Variants in PRAG1 observed in about 807,000 individuals in gnomAD.
PRAG1 encodes PEAK1 related, kinase-activating pseudokinase 1, also known as inactive tyrosine-protein kinase PRAG1.
Under a neutral mutation model 95.6 loss-of-function variants are expected in PRAG1, and 110 were observed. That is an observed-to-expected ratio of 1.15 (90% CI 0.99 to 1.35). The LOEUF is 1.35. Ranked by LOEUF, PRAG1 falls within the 40% of genes most tolerant of loss-of-function variation. The pLI is 0.00. For missense variants in PRAG1, 2,554 were observed against 1,864.7 expected (o/e 1.37, Z -6.81); for synonymous variants, 1,052 against 819.4 (o/e 1.28, Z -4.85).
intron 4 of PRAG1, among the ~76,000 whole-genome samples, chr8:8,335,047 C>A (rs1162360229): frequency 6.6e-6 from 1 of 151,192 alleles, no homozygotes; most frequent in African/African-American, 2.4e-5. Context: ...GCCTGGGCAA[C>A]AGAGCAAGAC....
chr8:8,328,747 T>C lies in PRAG1; in HGVS notation c.2321-286A>G, dbSNP rs115009352. Among the ~76,000 whole-genome samples, 598 of 151,834 alleles carry C rather than the reference T, an allele frequency of 3.9e-3. 7 individuals are homozygous for C. Among genetic ancestry groups the C allele is most frequent in the African/African-American group, 0.014 (578 of 41,348 alleles). ...AGTGTTTCATGCATCCCTCCAACAA[T>C]CCAAACAAATGCGTGCCTGCACGCG... is the stretch of plus-strand genomic sequence containing the variant. On this transcript the variant is annotated intron_variant, in intron 4 of 5. Transcript: ENST00000615670.
rs955914301 is a variant in PRAG1 at position 8,386,411 on chromosome 8, G to A, written c.-178C>T. On this transcript the variant is annotated 5_prime_UTR_variant, in exon 1 of 6. Coordinates refer to ENST00000615670, the MANE Select transcript of PRAG1 (RefSeq NM_001080826.3). ...TGTTCGCAGAAGGTCTGCGCGCGGTGCGTGCCCGGCCGCGGGCGGGTGGCT... is the reference window on the plus strand; with the variant it reads ...TGTTCGCAGAAGGTCTGCGCGCGGTACGTGCCCGGCCGCGGGCGGGTGGCT... 2.6e-5 allele frequency: 4 copies of A among 152,092 alleles called. No individual in the cohort carries two copies. The highest frequency in any genetic ancestry group is 6.5e-5 in the Admixed American group (1 of 15,268). 9.4% of individuals were successfully genotyped at this position (152,092 alleles called of 1,614,324 possible). A position where few individuals can be genotyped will look rare whatever the true frequency, so the allele number is the denominator to read the frequency against.
intron 4 of PRAG1, 39 bp from the exon 5 acceptor site, chr8:8,328,500 TG>T (rs1798721308): frequency 6.2e-7 from 1 of 1,600,908 alleles, no homozygotes; most frequent in Non-Finnish European, 8.5e-7. Context: ...CCAAGGCCAG[TG>T]CCACTCAATT....
At position 8,376,399 on chromosome 8, in the gene PRAG1, G is replaced by T; in HGVS notation, c.2010C>A (p.Thr670=). The T allele has an allele frequency of 1.2e-6, 2 of 1,614,248 alleles. No homozygotes were observed. The highest frequency in any genetic ancestry group is 1.7e-6 in the Non-Finnish European group (2 of 1,180,048). ...NGPTDHSNST[T]WHRLHPTDGS... ...CATCTGTGGGGTGGAGACGGTGCCAGGTCGTGGAGTTTGAATGGTCCGTGG... is the reference window on the plus strand; with the variant it reads ...CATCTGTGGGGTGGAGACGGTGCCATGTCGTGGAGTTTGAATGGTCCGTGG... Residue 670 remains threonine, a synonymous_variant, in exon 3 of 6, where the codon ACC becomes ACA. Transcript: ENST00000615670.
intron 3 of PRAG1, among the ~76,000 whole-genome samples, chr8:8,340,136 T>C (rs896988679): frequency 2.0e-5 from 3 of 152,242 alleles, no homozygotes; most frequent in African/African-American, 7.2e-5. Flanking sequence ...AGGGTCTAGA[T>C]TGTTTCTTGG....
intron 3 of PRAG1, among the ~76,000 whole-genome samples, chr8:8,367,354 A>C (rs985352350): frequency 3.4e-5 from 5 of 146,876 alleles, no homozygotes; most frequent in Admixed American, 2.1e-4. Context: ...GCTACTCGGG[A>C]GGATGAGGCA....
chr8:8,352,915 G>T (rs1799570278), intron 3 of PRAG1, among the ~76,000 whole-genome samples: 1 of 152,100 alleles, frequency 6.6e-6, no homozygotes, highest in Non-Finnish European at 1.5e-5. Context: ...AGCAGAGATG[G>T]CAATACTTAT....
intron 5 of PRAG1, among the ~76,000 whole-genome samples, chr8:8,323,686 T>A (rs1372325553): frequency 1.3e-5 from 2 of 152,032 alleles, no homozygotes; most frequent in African/African-American, 4.8e-5. Flanking sequence ...CGTGTTTGCT[T>A]CCCCTTTCAC....
intron 3 of PRAG1, among the ~76,000 whole-genome samples, chr8:8,370,784 G>C (rs1240872963): frequency 6.6e-6 from 1 of 152,142 alleles, no homozygotes; most frequent in Non-Finnish European, 1.5e-5. Flanking sequence ...CACTTCTGTG[G>C]ACAGAAACGA....
At position 8,377,673 on chromosome 8, in the gene PRAG1, C is replaced by T. The variant is rs767155232; in HGVS notation, c.736G>A (p.Gly246Arg). 3.8e-5 allele frequency: 61 copies of T among 1,613,710 alleles called. No homozygotes were observed. In the East Asian group the frequency reaches 8.0e-4, roughly 21 times the overall value. The change falls in exon 3 of 6, where the codon GGG becomes AGG. Residue 246 changes from glycine to arginine, a missense_variant. Physicochemically the swap from Gly to Arg is moderately radical, Grantham distance 125. Coordinates refer to ENST00000615670, the MANE Select transcript of PRAG1 (RefSeq NM_001080826.3). ...DDSDQRCSPS[G>R]DSEGGEYCSI... ...CAGTACTCTCCACCCTCGCTGTCCC[C>T]GGAGGGCGAGCACCTTTGATCACTG... is the stretch of plus-strand genomic sequence containing the variant.
chr8:8,355,514 G>A (rs557605349), intron 3 of PRAG1, among the ~76,000 whole-genome samples: 17 of 152,188 alleles, frequency 1.1e-4, no homozygotes, highest in South Asian at 2.1e-4. Flanking sequence ...CATACGTCCC[G>A]ATTTTAAATT....
chr8:8,366,048 T>C (rs1437606867), intron 3 of PRAG1, among the ~76,000 whole-genome samples: 4 of 152,084 alleles, frequency 2.6e-5, no homozygotes, highest in East Asian at 1.9e-4. Flanking sequence ...GATTTAAGGA[T>C]AGAAACAGTA....
At chr8:8,354,764 A>C (rs1048170451) in intron 3 of PRAG1, among the ~76,000 whole-genome samples, 1 of 152,162 alleles carries the variant, frequency 6.6e-6, no homozygotes, top group Non-Finnish European at 1.5e-5. Context: ...GGTATAAAAG[A>C]AAAGTTCCTC....
At chr8:8,373,886 A>G (rs936882544) in intron 3 of PRAG1, among the ~76,000 whole-genome samples, 5 of 151,552 alleles carry the variant, frequency 3.3e-5, no homozygotes, top group African/African-American at 9.7e-5. Context: ...GGCCGAAAAA[A>G]CTCTGATCTC....
intron 3 of PRAG1, among the ~76,000 whole-genome samples, chr8:8,355,443 A>C (rs1024793558): frequency 6.6e-6 from 1 of 152,172 alleles, no homozygotes; most frequent in African/African-American, 2.4e-5. Context: ...GACAAAAAAA[A>C]CCCTTCAAAT....
rs757966361 is a variant in PRAG1, at chr8:8,328,443, G to C, written c.2339C>G (p.Ala780Gly). Residue 780 changes from alanine to glycine, a missense_variant, in exon 5 of 6, where the codon GCT becomes GGT. Ala to Gly is a moderately conservative substitution (Grantham distance 60). Coordinates refer to ENST00000615670, the MANE Select transcript of PRAG1 (RefSeq NM_001080826.3). ...CSDGGPSSEL[A>G]HSPTNSGKKL... ...CTTCCCGCTGTTGGTGGGCGAGTGA[G>C]CCAGCTCAGACGAGGGACCTGAAGA... The C allele has an allele frequency of 4.3e-6, 7 of 1,613,482 alleles. No homozygotes were observed. The highest frequency in any genetic ancestry group is 2.7e-5 in the African/African-American group (2 of 74,926).
At chr8:8,332,295 G>A (rs1798845080) in intron 4 of PRAG1, among the ~76,000 whole-genome samples, 1 of 151,456 alleles carries the variant, frequency 6.6e-6, no homozygotes, top group Admixed American at 6.6e-5. Context: ...CCAAGTAGCT[G>A]GGATTACAAG....
intron 4 of PRAG1, among the ~76,000 whole-genome samples, chr8:8,330,650 G>A (rs189324066): frequency 4.2e-4 from 64 of 152,304 alleles, no homozygotes; most frequent in African/African-American, 1.4e-3. Context: ...TCAGAATGAA[G>A]GGCGCAGAAG....
chr8:8,375,955 C>G (rs1349906281), intron 3 of PRAG1, among the ~76,000 whole-genome samples: 1 of 152,036 alleles, frequency 6.6e-6, no homozygotes, highest in Admixed American at 6.5e-5. Context: ...AAAAGAGGAC[C>G]AGATTATAAA....
Sources: gnomAD v4.1 joint callset for allele counts (sites outside exome capture counted in the v4.1 genomes callset) on GRCh38, gnomAD v4.1.1 for gene constraint, MANE v1.5 for transcripts, NCBI Gene and HGNC (gene_info 2026-07-23, HGNC 2026-07-21) for gene names.